Variants in PPARGC1A observed in about 807,000 individuals in gnomAD.
PPARGC1A encodes the protein peroxisome proliferator-activated receptor gamma coactivator 1-alpha.
PPARGC1A carries 25 observed loss-of-function variants against 88.7 expected under a neutral mutation model. The observed-to-expected ratio is 0.28, with a 90% CI of 0.21 to 0.39. The LOEUF (loss-of-function observed/expected upper bound fraction) is 0.39, where lower values mean the gene tolerates loss of function less well. Among genes scored for constraint, PPARGC1A ranks in the 10% least tolerant of loss-of-function variants. PPARGC1A has a pLI of 1.00. For synonymous variants in PPARGC1A, 363 were observed against 355.6 expected, an observed-to-expected ratio of 1.02 and a Z score of -0.24; for missense variants, 880 against 968.7, an observed-to-expected ratio of 0.91 and a Z score of 1.22.
At chr4:24,441,315 A>G in the PPARGC1A span, among the ~76,000 whole-genome samples, 1 of 152,172 alleles carries the variant, frequency 6.6e-6, no homozygotes, top group Non-Finnish European at 1.5e-5. Flanking sequence ...CTGTCTTGTA[A>G]TAACCTAATT....
At chr4:24,358,187 G>A in the PPARGC1A span, among the ~76,000 whole-genome samples, 1 of 152,284 alleles carries the variant, frequency 6.6e-6, no homozygotes, top group Non-Finnish European at 1.5e-5. Flanking sequence ...TTAGTATGTG[G>A]CAGATTCAGA....
chr4:24,262,119 G>A, the PPARGC1A span, among the ~76,000 whole-genome samples: 8 of 151,904 alleles, frequency 5.3e-5, no homozygotes, highest in African/African-American at 1.5e-4. Flanking sequence ...AAGTCACCAC[G>A]CACCCCCCGC....
At chr4:24,424,981 T>C in the PPARGC1A span, among the ~76,000 whole-genome samples, 1 of 152,204 alleles carries the variant, frequency 6.6e-6, no homozygotes, top group Non-Finnish European at 1.5e-5. Flanking sequence ...ATTAATTTTC[T>C]GAGAGCAAGC....
the PPARGC1A span, among the ~76,000 whole-genome samples, chr4:23,946,439 A>G: frequency 6.6e-6 from 1 of 152,250 alleles, no homozygotes; most frequent in South Asian, 2.1e-4. Flanking sequence ...AAAGAGCCGT[A>G]CGCAGATTCA....
the PPARGC1A span, among the ~76,000 whole-genome samples, chr4:24,317,737 G>A: frequency 6.6e-6 from 1 of 151,682 alleles, no homozygotes; most frequent in Non-Finnish European, 1.5e-5. Context: ...CCCCAGCCCC[G>A]AACCCAGACA....
intron 2 of PPARGC1A, among the ~76,000 whole-genome samples, chr4:23,845,826 C>T (rs995698782): frequency 2.0e-5 from 3 of 152,194 alleles, no homozygotes; most frequent in Non-Finnish European, 2.9e-5. Context: ...GTTTCCAAAG[C>T]ATCTGAGCAA....
the PPARGC1A span, among the ~76,000 whole-genome samples, chr4:24,323,745 C>T: frequency 6.6e-6 from 1 of 152,180 alleles, no homozygotes; most frequent in Non-Finnish European, 1.5e-5. Flanking sequence ...GATCGGGGGA[C>T]CTCCCTTGGG....
chr4:24,371,440 T>G, the PPARGC1A span, among the ~76,000 whole-genome samples: 1 of 152,170 alleles, frequency 6.6e-6, no homozygotes, highest in African/African-American at 2.4e-5. Flanking sequence ...CTTAGAGCTT[T>G]GCAAAAGGTC....
chr4:24,210,596 G>C, the PPARGC1A span, among the ~76,000 whole-genome samples: 1 of 152,154 alleles, frequency 6.6e-6, no homozygotes, highest in African/African-American at 2.4e-5. Flanking sequence ...CACTGACCAC[G>C]CAGAGGGGCA....
chr4:24,471,959 G>GC, the PPARGC1A span, among the ~76,000 whole-genome samples: 2 of 152,216 alleles, frequency 1.3e-5, no homozygotes, highest in Non-Finnish European at 2.9e-5. The surrounding 1 kb of genome is among the most constrained non-coding windows in gnomAD (Gnocchi z 5.4). Context: ...CGGCTCTGCA[G>GC]CCCCTCGGCG....
At chr4:24,244,530 T>C in the PPARGC1A span, among the ~76,000 whole-genome samples, 1 of 152,194 alleles carries the variant, frequency 6.6e-6, no homozygotes, top group Non-Finnish European at 1.5e-5. Flanking sequence ...TTCAAACCCA[T>C]GTTCTCTGCC....
the PPARGC1A span, among the ~76,000 whole-genome samples, chr4:24,162,912 G>T: frequency 6.6e-6 from 1 of 151,240 alleles, no homozygotes; most frequent in Admixed American, 6.6e-5. Flanking sequence ...CTTCTTATTG[G>T]CATTTTCTGC....
At chr4:24,186,446 A>G in the PPARGC1A span, among the ~76,000 whole-genome samples, 1 of 152,070 alleles carries the variant, frequency 6.6e-6, no homozygotes, top group Non-Finnish European at 1.5e-5. Flanking sequence ...TCAAATCCAT[A>G]ATGTGCCACA....
the PPARGC1A span, among the ~76,000 whole-genome samples, chr4:24,371,423 C>A: frequency 6.6e-6 from 1 of 151,896 alleles, no homozygotes; most frequent in African/African-American, 2.4e-5. Flanking sequence ...ACAAAACAAT[C>A]GAGTTGCTTA....
At chr4:24,211,347 A>C in the PPARGC1A span, among the ~76,000 whole-genome samples, 2 of 152,214 alleles carry the variant, frequency 1.3e-5, no homozygotes, top group Non-Finnish European at 2.9e-5. Context: ...TCAATATAGA[A>C]GGTAATTCTT....
the PPARGC1A span, among the ~76,000 whole-genome samples, chr4:24,420,911 G>A: frequency 2.6e-5 from 4 of 152,146 alleles, no homozygotes; most frequent in Non-Finnish European, 5.9e-5. Context: ...TCTGGTGAGG[G>A]CCTGCTCCTC....
chr4:23,893,274 A>T (rs557280314), upstream of PPARGC1A, among the ~76,000 whole-genome samples: 1 of 152,202 alleles, frequency 6.6e-6, no homozygotes, highest in South Asian at 2.1e-4. Context: ...TCCTACTCCA[A>T]ATTAAAGGCT....
chr4:24,192,004 G>A, the PPARGC1A span, among the ~76,000 whole-genome samples: 4 of 152,122 alleles, frequency 2.6e-5, no homozygotes, highest in Non-Finnish European at 4.4e-5. Flanking sequence ...TTTCAGCCAC[G>A]CCTCGATGGA....
At chr4:24,277,080 G>A in the PPARGC1A span, among the ~76,000 whole-genome samples, 1 of 152,074 alleles carries the variant, frequency 6.6e-6, no homozygotes, top group Admixed American at 6.5e-5. Flanking sequence ...TAGACCTTAG[G>A]GATTTTTGGG....
Sources: gnomAD v4.1 joint callset for allele counts (sites outside exome capture counted in the v4.1 genomes callset) on GRCh38, gnomAD v4.1.1 for gene constraint, Gnocchi (gnomAD v3.1) non-coding constraint, MANE v1.5 for transcripts, NCBI Gene and HGNC (gene_info 2026-07-23, HGNC 2026-07-21) for gene names.